The following AKAP6 variants were observed in gnomAD, a reference collection of about 807,000 sequenced individuals.
AKAP6 encodes A-kinase anchor protein 6.
AKAP6 carries 58 observed loss-of-function variants against 188.5 expected under a neutral mutation model. The observed-to-expected ratio is 0.31, with a 90% confidence interval of 0.25 to 0.38. The LOEUF (loss-of-function observed/expected upper bound fraction) is 0.38. Ranked by LOEUF, AKAP6 falls within the 10% of genes least tolerant of loss-of-function variation. The pLI, the probability that AKAP6 is intolerant of heterozygous loss-of-function variation, is 1.00. For synonymous variants in AKAP6, 989 were observed against 998.6 expected, an observed-to-expected ratio of 0.99 and a Z score of 0.18; for missense variants, 2,710 against 2,740.0, an observed-to-expected ratio of 0.99 and a Z score of 0.24.
chr14:32,801,784 T>A (rs2300849), intron 12 of AKAP6, among the ~76,000 whole-genome samples: 1 of 151,940 alleles, frequency 6.6e-6, no homozygotes, highest in Non-Finnish European at 1.5e-5. Context: ...GGAATTATAG[T>A]TTGGTGGTTT....
chr14:32,545,283 A>G lies in AKAP6; in HGVS notation c.630A>G (p.Lys210=). ...ATGACTCAGGACAATTAACCATCAA[A>G]TGTTCTCAAAATTACTTGTCTCTGG... The part of the protein sequence containing the change: ...EVDDSGQLTI[K]CSQNYLSLDC... The change falls in exon 4 of 14, where the codon AAA becomes AAG. Residue 210 remains lysine (K), a synonymous_variant. Transcript: ENST00000280979. The G allele has an allele frequency of 6.2e-7, 1 of 1,614,158 alleles. No homozygotes were observed. Among genetic ancestry groups the G allele is most frequent in the Non-Finnish European group, 8.5e-7 (1 of 1,179,996 alleles).
intron 7 of AKAP6, among the ~76,000 whole-genome samples, chr14:32,617,499 A>G (rs1018111264): frequency 2.0e-5 from 3 of 152,164 alleles, no homozygotes; most frequent in African/African-American, 7.2e-5. Flanking sequence ...TTTCCTGTTC[A>G]TTGTTCTGCA....
In AKAP6 at chr14:32,569,768, C is replaced by G. The variant is rs368801344; in HGVS notation, c.2347-7352C>G. ...TTTTCTAAAAAAGGTTCTAATTTTA[C>G]TTACCTTATTTAGAGCCTAAACAAA... is the stretch of plus-strand genomic sequence containing the variant. On this transcript the variant is annotated intron_variant, in intron 4 of 13. Transcript: ENST00000280979. Among the ~76,000 whole-genome samples the G allele has an allele frequency of 9.2e-5, 14 of 152,292 alleles. No individual in the cohort carries two copies. The East Asian group carries it at 2.1e-3, about 23-fold the overall frequency.
chr14:32,678,528 G>T, intron 8 of AKAP6, 69 bp downstream of exon 8: 1 of 1,568,274 alleles, frequency 6.4e-7, no homozygotes, highest in Non-Finnish European at 8.7e-7. Context: ...CCACTGGTAG[G>T]TGTTAGGAAG....
chr14:32,666,469 C>A (rs575061001), intron 7 of AKAP6, among the ~76,000 whole-genome samples: 2 of 151,940 alleles, frequency 1.3e-5, no homozygotes, highest in Admixed American at 1.3e-4. Context: ...GTTTCCAGGA[C>A]AATTCTTTTT....
chr14:32,428,897 T>G (rs1354026766), intron 1 of AKAP6, among the ~76,000 whole-genome samples: 1 of 152,216 alleles, frequency 6.6e-6, no homozygotes, highest in East Asian at 1.9e-4. Context: ...AGCCTTAAAA[T>G]CATTACTGCT....
chr14:32,755,315 ATTATG>A (rs1015152113), intron 11 of AKAP6, among the ~76,000 whole-genome samples: 2 of 151,006 alleles, frequency 1.3e-5, no homozygotes, highest in Non-Finnish European at 3.0e-5. Context: ...TGGTTCAGTC[ATTATG>A]TTATTTAGCT....
At chr14:32,704,548 G>T (rs983905103) in intron 9 of AKAP6, among the ~76,000 whole-genome samples, 4 of 152,084 alleles carry the variant, frequency 2.6e-5, no homozygotes, top group Admixed American at 2.6e-4. Context: ...TTTTTAGTAT[G>T]TCCTGTTTTT....
At position 32,775,636 on chromosome 14, in the gene AKAP6, A is replaced by G. The variant is rs114684925; in HGVS notation, c.3588+1743A>G. Among the ~76,000 whole-genome samples the G allele has an allele frequency of 3.0e-3, 456 of 152,134 alleles. 3 individuals carry two copies. The highest frequency in any genetic ancestry group is 0.01 in the African/African-American group (433 of 41,478). ...CTTTTTGTAGAGACATGGTCTCACTATGTTGCCCAGGCTGGTCTCAAATTC... is the reference window on the plus strand; with the variant it reads ...CTTTTTGTAGAGACATGGTCTCACTGTGTTGCCCAGGCTGGTCTCAAATTC... On this transcript the variant is annotated intron_variant, in intron 12 of 13. Coordinates refer to ENST00000280979, the MANE Select transcript of AKAP6 (RefSeq NM_004274.5).
Position 32,773,012 on chromosome 14 carries a change from G to A in AKAP6, c.3373-666G>A, listed in dbSNP as rs192592457. 5.9e-5 allele frequency among the ~76,000 whole-genome samples: 9 copies of A among 152,252 alleles called. No individual in the cohort carries two copies. In the East Asian group the frequency reaches 1.7e-3, roughly 29 times the overall value. ...GCTTCTGGGGGCAAAATGCTATTTT[G>A]GTGCCGGCATGTCCTTCTTAAATAG... On this transcript the variant is annotated intron_variant, in intron 11 of 13. Transcript: ENST00000280979.
At chr14:32,440,393 C>T (rs1424358764) in intron 2 of AKAP6, among the ~76,000 whole-genome samples, 7 of 151,852 alleles carry the variant, frequency 4.6e-5, no homozygotes, top group South Asian at 2.1e-4. Context: ...GACCAGTTAA[C>T]GGGTGCAGCA....
chr14:32,366,789 G>T (rs975225313), intron 1 of AKAP6, among the ~76,000 whole-genome samples: 3 of 152,016 alleles, frequency 2.0e-5, no homozygotes, highest in Admixed American at 1.3e-4. Context: ...TTTATTTTTA[G>T]TATGTTTAGC....
At chr14:32,458,060 T>C (rs992781573) in intron 2 of AKAP6, among the ~76,000 whole-genome samples, 1 of 152,218 alleles carries the variant, frequency 6.6e-6, no homozygotes, top group Non-Finnish European at 1.5e-5. Context: ...GGCAAATACA[T>C]ATAAGTATAT....
At chr14:32,407,210 C>T (rs906912890) in intron 1 of AKAP6, among the ~76,000 whole-genome samples, 1 of 152,134 alleles carries the variant, frequency 6.6e-6, no homozygotes, top group Admixed American at 6.6e-5. Context: ...TCTTTCTTCA[C>T]TGGACCAGAC....
chr14:32,623,434 T>A (rs1002697844), intron 7 of AKAP6, among the ~76,000 whole-genome samples: 5 of 152,138 alleles, frequency 3.3e-5, no homozygotes. Context: ...TACCTGCTTA[T>A]CCCTTTTCAC....
chr14:32,834,491 A>G lies in AKAP6; in HGVS notation c.*4686A>G, dbSNP rs1482989740. 1 of 150,426 alleles carries G rather than the reference A, an allele frequency of 6.6e-6. No homozygotes were observed. The highest frequency in any genetic ancestry group is 2.1e-4 in the South Asian group (1 of 4,786). The allele number at this position is 150,426 out of a possible 1,614,324, so 9.3% of individuals were successfully genotyped here. ...CTTATAGTTGTTTTTGTTTTAATAC[A>G]GTATTCAAACAAAGATCACACACTG... On this transcript the variant is annotated 3_prime_UTR_variant, in exon 14 of 14. Coordinates refer to ENST00000280979, the MANE Select transcript of AKAP6 (RefSeq NM_004274.5).
intron 7 of AKAP6, among the ~76,000 whole-genome samples, chr14:32,639,050 A>C (rs1887646351): frequency 6.6e-6 from 1 of 152,076 alleles, no homozygotes; most frequent in Non-Finnish European, 1.5e-5. Flanking sequence ...TATAGGATTT[A>C]CTTTGGTTTT....
chr14:32,749,500 A>G (rs2032042805), intron 11 of AKAP6, among the ~76,000 whole-genome samples: 3 of 152,066 alleles, frequency 2.0e-5, no homozygotes, highest in African/African-American at 7.2e-5. Context: ...CTTTGTACCC[A>G]TTTCCTTTCT....
At chr14:32,349,606 A>T (rs779136617) in intron 1 of AKAP6, among the ~76,000 whole-genome samples, 1 of 151,020 alleles carries the variant, frequency 6.6e-6, no homozygotes, top group Non-Finnish European at 1.5e-5. Context: ...GTGCATAAAA[A>T]TAATAACAAT....
Sources: gnomAD v4.1 joint callset for allele counts (sites outside exome capture counted in the v4.1 genomes callset) on GRCh38, gnomAD v4.1.1 for gene constraint, MANE v1.5 for transcripts, NCBI Gene and HGNC (gene_info 2026-07-23, HGNC 2026-07-21) for gene names.